The following NHLRC3 variants were observed in gnomAD, a reference collection of about 807,000 sequenced individuals.
The protein encoded by NHLRC3 is NHL repeat-containing protein 3.
NHLRC3 carries 23 observed loss-of-function variants against 32.0 expected under a neutral mutation model. That is an observed-to-expected ratio of 0.72 (90% CI 0.52 to 1.02). NHLRC3 has a LOEUF of 1.02. Among genes scored for constraint, NHLRC3 ranks in the 50% least tolerant of loss-of-function variants. NHLRC3 has a pLI of 0.00. For synonymous variants in NHLRC3, 159 were observed against 147.9 expected, an observed-to-expected ratio of 1.08 and a Z score of -0.55; for missense variants, 407 against 406.8, an observed-to-expected ratio of 1.00 and a Z score of -0.01.
chr13:39,044,130 G>T lies in NHLRC3; in HGVS notation c.627G>T (p.Gly209=), dbSNP rs2138154376. 4 of 1,613,934 alleles carry T rather than the reference G, an allele frequency of 2.5e-6. No homozygotes were observed. The East Asian group carries it at 8.9e-5, about 36-fold the overall frequency. The change falls in exon 5 of 7, where the codon GGG becomes GGT. Residue 209 remains glycine, a synonymous_variant. Coordinates refer to ENST00000379600, the MANE Select transcript of NHLRC3 (RefSeq NM_001012754.4). ...ILWLHGENGT[G]PAKFNIPHSV... is the part of the protein sequence containing the mutation. ...GGCTGCATGGAGAAAATGGGACAGG[G>T]CCTGCTAAGTTCAACATACCTCACA...
At position 39,038,574 on chromosome 13, in the gene NHLRC3, C is replaced by T. The variant is rs115323636; in HGVS notation, c.-66C>T. The T allele has an allele frequency of 4.8e-4, 665 of 1,383,408 alleles. 3 individuals carry two copies. In the African/African-American group the frequency reaches 8.4e-3, roughly 18 times the overall value. The allele number at this position is 1,383,408 out of a possible 1,614,324, so 85.7% of individuals were successfully genotyped here. ...TCTGTGCCGCTGCAAACCGTTGCAG[C>T]CTGAGGCTGTCAGGTCCTCCCCCAG... is the stretch of plus-strand genomic sequence containing the variant. On this transcript the variant is annotated 5_prime_UTR_variant, in exon 1 of 7. Transcript: ENST00000379600.
At chr13:39,038,842 C>T (rs1180287896) in intron 1 of NHLRC3, 119 bp downstream of exon 1, 7 of 874,890 alleles carry the variant, frequency 8.0e-6, no homozygotes, top group Non-Finnish European at 1.3e-5. Flanking sequence ...TGTCTCAAAG[C>T]CTGCACCTGG....
Position 39,041,389 on chromosome 13 carries a change from G to C in NHLRC3, c.386-716G>C, listed in dbSNP as rs182626417. On this transcript the variant is annotated intron_variant, in intron 3 of 6. Transcript: ENST00000379600. The stretch of plus-strand genomic sequence containing the variant: ...CTTTCTGGTAAGCTCAATGTATCCA[G>C]TTTGTCTTTTGAATACCTATCAATT... The C allele has an allele frequency of 1.6e-4, 24 of 152,166 alleles. No homozygotes were observed. The East Asian group carries it at 3.3e-3, about 21-fold the overall frequency. The allele number at this position is 152,166 out of a possible 1,614,324, so 9.4% of individuals were successfully genotyped here. A position where few individuals can be genotyped will look rare whatever the true frequency, so the allele number is the denominator to read the frequency against.
chr13:39,046,170 T>C (rs772980073), intron 5 of NHLRC3, among the ~76,000 whole-genome samples: 2 of 151,880 alleles, frequency 1.3e-5, no homozygotes, highest in Non-Finnish European at 2.9e-5. Flanking sequence ...ACAAAAAAAT[T>C]AGCCGGGCGT....
chr13:39,044,055 A>T, intron 4 of NHLRC3, 35 bp from the exon 5 acceptor site: 2 of 1,389,476 alleles, frequency 1.4e-6, no homozygotes, highest in Non-Finnish European at 2.1e-6. Context: ...GACATTCTAT[A>T]TGTTGCTCTG....
At chr13:39,040,392 C>T (rs1285666473) in intron 3 of NHLRC3, 1 of 152,146 alleles carries the variant, frequency 6.6e-6, no homozygotes, top group Non-Finnish European at 1.5e-5. Flanking sequence ...AGTTTTCTTT[C>T]ATAAAAGATT....
chr13:39,044,737 AC>A (rs1393339937), intron 5 of NHLRC3, among the ~76,000 whole-genome samples: 1 of 152,050 alleles, frequency 6.6e-6, no homozygotes, highest in Non-Finnish European at 1.5e-5. Context: ...TTTCTACCCT[AC>A]TCACTACTAT....
chr13:39,048,060 T>C lies in NHLRC3; in HGVS notation c.*134T>C, dbSNP rs1871758249. The C allele has an allele frequency of 4.1e-6, 3 of 728,450 alleles. No individual in the cohort carries two copies. The highest frequency in any genetic ancestry group is 6.6e-6 in the Non-Finnish European group (3 of 454,514). 45.1% of individuals were successfully genotyped at this position (728,450 alleles called of 1,614,324 possible). A position where few individuals can be genotyped will look rare whatever the true frequency, so the allele number is the denominator to read the frequency against. ...AGTATCAGAAAGATTTGTTTTTGTA[T>C]CATTAAGAATCTTATATTTTGTTGC... On this transcript the variant is annotated 3_prime_UTR_variant, in exon 7 of 7. Coordinates refer to ENST00000379600, the MANE Select transcript of NHLRC3 (RefSeq NM_001012754.4).
rs1871301553 is a variant in NHLRC3, at chr13:39,038,619, C to T, written c.-21C>T. On this transcript the variant is annotated 5_prime_UTR_variant, in exon 1 of 7. Transcript: ENST00000379600. The stretch of plus-strand genomic sequence containing the variant: ...CCCCAGACACCTGCGGACCCTCCCT[C>T]TCCTGGCTTCCCGTCTGGTCATGGC... 3 of 1,610,982 alleles carry T rather than the reference C, an allele frequency of 1.9e-6. No individual in the cohort carries two copies. Among genetic ancestry groups the T allele is most frequent in the Admixed American group, 1.7e-5 (1 of 60,004 alleles).
chr13:39,038,551 T>TG lies in NHLRC3; in HGVS notation c.-88dup. The TG allele has an allele frequency of 3.6e-6, 4 of 1,119,274 alleles. No homozygotes were observed. The highest frequency in any genetic ancestry group is 2.7e-6 in the Non-Finnish European group (2 of 729,924). The allele number at this position is 1,119,274 out of a possible 1,614,324, so 69.3% of individuals were successfully genotyped here. ...GTCTTCGGGCCCCGGGCAGACCCTCTGTGCCGCTGCAAACCGTTGCAGCCT... is the reference window on the plus strand; with the variant it reads ...GTCTTCGGGCCCCGGGCAGACCCTCTGGTGCCGCTGCAAACCGTTGCAGCCT... On this transcript the variant is annotated 5_prime_UTR_variant, in exon 1 of 7. Transcript: ENST00000379600.
At chr13:39,041,331 A>G (rs1871459452) in intron 3 of NHLRC3, 1 of 152,110 alleles carries the variant, frequency 6.6e-6, no homozygotes, top group Non-Finnish European at 1.5e-5. Context: ...TAAATTATTT[A>G]ACATAGAATT....
intron 4 of NHLRC3, among the ~76,000 whole-genome samples, chr13:39,043,816 A>G (rs1408889567): frequency 6.6e-6 from 1 of 152,222 alleles, no homozygotes; most frequent in Non-Finnish European, 1.5e-5. Flanking sequence ...AGAGGATGGC[A>G]TAAACCCTAA....
Position 39,048,141 on chromosome 13 carries a change from A to G in NHLRC3, c.*215A>G, listed in dbSNP as rs1200856954. On this transcript the variant is annotated 3_prime_UTR_variant, in exon 7 of 7. Transcript: ENST00000379600. ...CATAAGGATATTTTAATGAAAGGAA[A>G]GTAACTAAAAAATGGGGTTGGGAAG... The G allele has an allele frequency of 7.0e-6, 3 of 429,014 alleles. No individual in the cohort carries two copies. The highest frequency in any genetic ancestry group is 1.2e-3 in the Middle Eastern group (2 of 1,616). The allele number at this position is 429,014 out of a possible 1,614,324, so 26.6% of individuals were successfully genotyped here.
rs755725590 is a variant in NHLRC3, at chr13:39,042,128, A to G, written c.409A>G (p.Lys137Glu). 12 of 1,606,120 alleles carry G rather than the reference A, an allele frequency of 7.5e-6. No individual in the cohort carries two copies. The East Asian group carries it at 2.7e-4, about 36-fold the overall frequency. ...GSGFFGHTVK[K>E]YSSFGDLVQV... ...AGGATTCTTTGGTCATACTGTTAAA[A>G]AATACAGTTCTTTTGGTGATCTTGT... The change falls in exon 4 of 7, where the codon AAA becomes GAA. Residue 137 changes from lysine (K) to glutamate (E), a missense_variant. Physicochemically the swap from Lys to Glu is moderately conservative, Grantham distance 56 (BLOSUM62 1). Coordinates refer to ENST00000379600, the MANE Select transcript of NHLRC3 (RefSeq NM_001012754.4).
At chr13:39,039,078 C>CGGG in intron 1 of NHLRC3, 58 bp from the exon 2 acceptor site, 1 of 1,038,074 alleles carries the variant, frequency 9.6e-7, no homozygotes, top group Non-Finnish European at 1.4e-6. Flanking sequence ...CCCCCCCGCC[C>CGGG]TTTTTTTGTT....
intron 4 of NHLRC3, among the ~76,000 whole-genome samples, chr13:39,043,246 A>C (rs1202672997): frequency 1.3e-5 from 2 of 152,244 alleles, no homozygotes; most frequent in Admixed American, 1.3e-4. Context: ...AACGAAATCT[A>C]GGAGACAGAT....
At chr13:39,041,982 C>T in intron 3 of NHLRC3, 123 bp from the exon 4 acceptor site, 2 of 608,456 alleles carry the variant, frequency 3.3e-6, no homozygotes, top group Non-Finnish European at 5.8e-6. Flanking sequence ...TATGTAATTT[C>T]CTAAGCCTAT....
rs554831044 is a variant in NHLRC3 at position 39,049,540 on chromosome 13, G to T, written c.*1614G>T. ...ACATTAGAGGCATTTTATTAACAAA[G>T]GCCCTTCTAAATGTGCTATTTATTT... On this transcript the variant is annotated 3_prime_UTR_variant, in exon 7 of 7. Coordinates refer to ENST00000379600, the MANE Select transcript of NHLRC3 (RefSeq NM_001012754.4). 11 of 152,242 alleles carry T rather than the reference G, an allele frequency of 7.2e-5. No homozygotes were observed. Among genetic ancestry groups the T allele is most frequent in the African/African-American group, 2.4e-4 (10 of 41,542 alleles). 9.4% of individuals were successfully genotyped at this position (152,242 alleles called of 1,614,324 possible). A position where few individuals can be genotyped will look rare whatever the true frequency, so the allele number is the denominator to read the frequency against.
At chr13:39,042,020 C>T (rs1319265187) in intron 3 of NHLRC3, 85 bp from the exon 4 acceptor site, 1 of 725,066 alleles carries the variant, frequency 1.4e-6, no homozygotes, top group Non-Finnish European at 2.4e-6. Flanking sequence ...TTACTTCTAT[C>T]AAATTTTTGC....
Sources: gnomAD v4.1 joint callset for allele counts (sites outside exome capture counted in the v4.1 genomes callset) on GRCh38, gnomAD v4.1.1 for gene constraint, MANE v1.5 for transcripts, NCBI Gene and HGNC (gene_info 2026-07-23, HGNC 2026-07-21) for gene names.